Variants in MACROD2 observed in about 807,000 individuals in gnomAD.
MACROD2 encodes the protein mono-ADP ribosylhydrolase 2.
In MACROD2, 36 loss-of-function variants were observed where a neutral mutation model predicts 70.4. The observed-to-expected ratio is 0.51, with a 90% CI of 0.39 to 0.68. MACROD2 has a LOEUF of 0.68. Ranked by LOEUF, MACROD2 falls within the 30% of genes least tolerant of loss-of-function variation. MACROD2 has a pLI of 0.00. For missense variants in MACROD2, 496 were observed against 538.4 expected (o/e 0.92, Z 0.78); for synonymous variants, 172 against 178.8 (o/e 0.96, Z 0.30).
rs192213964 is a variant in MACROD2 at position 15,725,562 on chromosome 20, A to G, written c.646-137183A>G. On this transcript the variant is annotated intron_variant, in intron 8 of 17. Transcript: ENST00000684519. Reference sequence around the variant, plus strand: ...TTATTTCTCTTTTCCCAACCTGTATACATTTTATTTACTTTTCTTGTTTTA... The same window carrying G: ...TTATTTCTCTTTTCCCAACCTGTATGCATTTTATTTACTTTTCTTGTTTTA... Among the ~76,000 whole-genome samples, 6 of 152,204 alleles carry G rather than the reference A, an allele frequency of 3.9e-5. No homozygotes were observed. In the East Asian group the frequency reaches 7.7e-4, roughly 20 times the overall value.
chr20:14,143,051 A>G (rs2054898252), intron 3 of MACROD2, among the ~76,000 whole-genome samples: 1 of 152,166 alleles, frequency 6.6e-6, no homozygotes, highest in South Asian at 2.1e-4. Context: ...GTCTTTCATC[A>G]TTCTTTTTTT....
At chr20:15,953,449 C>T (rs529672620) in intron 12 of MACROD2, among the ~76,000 whole-genome samples, 3 of 152,068 alleles carry the variant, frequency 2.0e-5, no homozygotes, top group South Asian at 4.2e-4. Flanking sequence ...CTATATTATA[C>T]GTATTGAAAC....
At chr20:14,875,499 T>C (rs1056896555) in intron 5 of MACROD2, among the ~76,000 whole-genome samples, 43 of 152,300 alleles carry the variant, frequency 2.8e-4, no homozygotes, top group African/African-American at 1.0e-3. Flanking sequence ...TTAAAAATAA[T>C]TTCAACTTTT....
At chr20:15,338,155 TCTC>T (rs767879088) in intron 6 of MACROD2, among the ~76,000 whole-genome samples, 2 of 151,538 alleles carry the variant, frequency 1.3e-5, no homozygotes, top group Non-Finnish European at 2.9e-5. Context: ...TCTCTTCTCT[TCTC>T]CTCGCTAAAC....
Position 15,759,704 on chromosome 20 carries a change from G to A in MACROD2, c.646-103041G>A, listed in dbSNP as rs1215317932. ...TCAGTCTTGCTTTGAGCACTATTGCGACGTAGACTATTTATGGGACAATAT... is the reference window on the plus strand; with the variant it reads ...TCAGTCTTGCTTTGAGCACTATTGCAACGTAGACTATTTATGGGACAATAT... On this transcript the variant is annotated intron_variant, in intron 8 of 17. Coordinates refer to ENST00000684519, the MANE Select transcript of MACROD2 (RefSeq NM_001351661.2). Among the ~76,000 whole-genome samples the A allele has an allele frequency of 3.9e-5, 6 of 152,294 alleles. No individual in the cohort carries two copies. The South Asian group carries it at 6.2e-4, about 16-fold the overall frequency.
intron 15 of MACROD2, among the ~76,000 whole-genome samples, chr20:16,005,272 A>G (rs1413565344): frequency 6.6e-6 from 1 of 152,242 alleles, no homozygotes; most frequent in East Asian, 1.9e-4. Context: ...TATCTGATTT[A>G]AGTCAGTTTG....
At chr20:16,023,627 G>A (rs2067036055) in intron 15 of MACROD2, among the ~76,000 whole-genome samples, 1 of 152,140 alleles carries the variant, frequency 6.6e-6, no homozygotes, top group African/African-American at 2.4e-5. Context: ...AGAATGGAAG[G>A]CACCCATTGA....
intron 3 of MACROD2, among the ~76,000 whole-genome samples, chr20:14,309,392 G>T (rs997597239): frequency 6.6e-6 from 1 of 152,048 alleles, no homozygotes; most frequent in Non-Finnish European, 1.5e-5. Context: ...AGAAAAAAGT[G>T]CACCTATAAT....
At chr20:15,035,991 G>T (rs766338203) in intron 5 of MACROD2, among the ~76,000 whole-genome samples, 3 of 152,110 alleles carry the variant, frequency 2.0e-5, no homozygotes, top group Non-Finnish European at 2.9e-5. Context: ...GAAGGGGAAT[G>T]GGGGGAGGAT....
Position 14,247,086 on chromosome 20 carries a change from A to G in MACROD2, c.271+161358A>G, listed in dbSNP as rs558488119. ...TGTCTAACCATAAACGAATCTGTGCATTCATAACTAAATCACTAACTTTGG... is the reference window on the plus strand; with the variant it reads ...TGTCTAACCATAAACGAATCTGTGCGTTCATAACTAAATCACTAACTTTGG... On this transcript the variant is annotated intron_variant, in intron 3 of 17. Transcript: ENST00000684519. Among the ~76,000 whole-genome samples the G allele has an allele frequency of 2.6e-5, 4 of 152,344 alleles. No individual in the cohort carries two copies. In the South Asian group the frequency reaches 8.3e-4, roughly 32 times the overall value.
intron 8 of MACROD2, among the ~76,000 whole-genome samples, chr20:15,630,603 G>T (rs2049274162): frequency 6.6e-6 from 1 of 152,218 alleles, no homozygotes; most frequent in Admixed American, 6.5e-5. Flanking sequence ...GTCCATTAAG[G>T]ATTCAGGTTG....
At chr20:14,805,357 G>A (rs1286110437) in intron 5 of MACROD2, among the ~76,000 whole-genome samples, 5 of 151,960 alleles carry the variant, frequency 3.3e-5, no homozygotes, top group Non-Finnish European at 5.9e-5. Flanking sequence ...CAATGATTTG[G>A]CTGTTATCCT....
At chr20:14,310,779 C>T (rs555588921) in intron 3 of MACROD2, among the ~76,000 whole-genome samples, 35 of 152,056 alleles carry the variant, frequency 2.3e-4, no homozygotes, top group Non-Finnish European at 4.4e-4. Flanking sequence ...ATTGGTGATC[C>T]TGATCCTTTT....
intron 3 of MACROD2, among the ~76,000 whole-genome samples, chr20:14,185,303 A>G (rs1227952789): frequency 2.6e-5 from 4 of 152,054 alleles, no homozygotes; most frequent in Non-Finnish European, 5.9e-5. Context: ...GTTCTGACGC[A>G]CTCTCAGATA....
chr20:15,025,577 C>T (rs976784449), intron 5 of MACROD2, among the ~76,000 whole-genome samples: 2 of 152,196 alleles, frequency 1.3e-5, no homozygotes, highest in African/African-American at 4.8e-5. Flanking sequence ...AATAGATCTA[C>T]ACTATCATTT....
At chr20:15,991,952 T>C (rs547746712) in intron 15 of MACROD2, among the ~76,000 whole-genome samples, 1 of 152,184 alleles carries the variant, frequency 6.6e-6, no homozygotes, top group Admixed American at 6.5e-5. Context: ...CTAAATTGTT[T>C]AGGTTTTCTA....
intron 2 of MACROD2, among the ~76,000 whole-genome samples, chr20:14,050,064 C>T (rs939944794): frequency 1.4e-5 from 2 of 139,158 alleles, no homozygotes; most frequent in East Asian, 2.1e-4. Flanking sequence ...CCAGCCTGGG[C>T]AACAAGAGTG....
intron 3 of MACROD2, among the ~76,000 whole-genome samples, chr20:14,209,250 A>G (rs900858490): frequency 2.0e-5 from 3 of 152,146 alleles, no homozygotes; most frequent in Admixed American, 6.5e-5. Flanking sequence ...CTCTGGGTTC[A>G]TGTTCTTTTC....
chr20:14,314,433 C>A (rs1309007325), intron 3 of MACROD2, among the ~76,000 whole-genome samples: 2 of 152,078 alleles, frequency 1.3e-5, no homozygotes, highest in South Asian at 2.1e-4. Context: ...TTATAAGATA[C>A]CAAGAAAATG....
Sources: allele counts gnomAD v4.1 joint callset (sites outside exome capture counted in the v4.1 genomes callset), GRCh38; gene constraint gnomAD v4.1.1; transcripts MANE v1.5; gene names NCBI Gene and HGNC (gene_info 2026-07-23, HGNC 2026-07-21).